The following MBD1 variants were observed in gnomAD, a reference collection of about 807,000 sequenced individuals.
The protein encoded by MBD1 is methyl-CpG-binding domain protein 1.
MBD1 carries 25 observed loss-of-function variants against 82.6 expected under a neutral mutation model. That is an observed-to-expected ratio of 0.30 (90% CI 0.22 to 0.42). MBD1 has a LOEUF of 0.42. Ranked by LOEUF, MBD1 falls within the 10% of genes least tolerant of loss-of-function variation. The pLI is 1.00. For missense variants in MBD1, 627 were observed against 819.6 expected (o/e 0.76, Z 2.87); for synonymous variants, 301 against 303.7 (o/e 0.99, Z 0.09).
At position 50,273,789 on chromosome 18, in the gene MBD1, C is replaced by T; in HGVS notation, c.1221G>A (p.Lys407=). 1 of 1,614,016 alleles carries T rather than the reference C, an allele frequency of 6.2e-7. No individual in the cohort carries two copies. Among genetic ancestry groups the T allele is most frequent in the Non-Finnish European group, 8.5e-7 (1 of 1,180,034 alleles). ...GGTGCCGTCGGGCAGAGCTGGGCCTCTTTCGACGACGGTAAGGTGGGGGCG... is the reference window on the plus strand; with the variant it reads ...GGTGCCGTCGGGCAGAGCTGGGCCTTTTTCGACGACGGTAAGGTGGGGGCG... ...AGSPPPYRRR[K]RPSSARRHHL... The change falls in exon 12 of 17, where the codon AAG becomes AAA. Residue 407 remains lysine, a synonymous_variant. Coordinates refer to ENST00000269468, the MANE Select transcript of MBD1 (RefSeq NM_015846.4).
Position 50,281,498 on chromosome 18 carries a change from C to A in MBD1, c.-161G>T, listed in dbSNP as rs919492026. 1.7e-6 allele frequency: 1 copy of A among 581,464 alleles called. No homozygotes were observed. 36.0% of individuals were successfully genotyped at this position (581,464 alleles called of 1,614,324 possible). ...CCGCCTCCTCTGAAGCGGTAGCTGTCGCCTCCGCGGCTGTTCGTTGCTCCC... is the reference window on the plus strand; with the variant it reads ...CCGCCTCCTCTGAAGCGGTAGCTGTAGCCTCCGCGGCTGTTCGTTGCTCCC... On this transcript the variant is annotated 5_prime_UTR_variant, in exon 1 of 17. Coordinates refer to ENST00000269468, the MANE Select transcript of MBD1 (RefSeq NM_015846.4).
In MBD1 at chr18:50,269,621, A is replaced by G. The variant is rs1474751159; in HGVS notation, c.*230T>C. 1 of 722,948 alleles carries G rather than the reference A, an allele frequency of 1.4e-6. No homozygotes were observed. Among genetic ancestry groups the G allele is most frequent in the East Asian group, 2.7e-5 (1 of 37,672 alleles). The allele number at this position is 722,948 out of a possible 1,614,324, so 44.8% of individuals were successfully genotyped here. A position where few individuals can be genotyped will look rare whatever the true frequency, so the allele number is the denominator to read the frequency against. ...TCAGCTTCTCTAATTCCTGGGCCAG[A>G]TGCATATTTAACTCTGTGAGGAAGG... On this transcript the variant is annotated 3_prime_UTR_variant, in exon 17 of 17. Coordinates refer to ENST00000269468, the MANE Select transcript of MBD1 (RefSeq NM_015846.4).
In MBD1 at chr18:50,275,131, G is replaced by T. The variant is rs369549163; in HGVS notation, c.907C>A (p.Pro303Thr). Reference sequence around the variant, plus strand: ...CCCTCCACCCACTGGGGCCTCACCGGCTCTGTGGGCTCTGGGGACTGTGAT... The same window carrying T: ...CCCTCCACCCACTGGGGCCTCACCGTCTCTGTGGGCTCTGGGGACTGTGAT... ...PPSQSPEPTE[P>T]HPRALAPSPP... The change falls in exon 9 of 17, where the codon CCG (proline) becomes ACG (threonine). Residue 303 changes from proline to threonine, a missense_variant and splice_region_variant. By Grantham distance (38) the Pro-to-Thr change is conservative. Transcript: ENST00000269468. 4.3e-6 allele frequency: 7 copies of T among 1,613,770 alleles called. No homozygotes were observed. In the African/African-American group the frequency reaches 6.7e-5, roughly 15 times the overall value.
downstream of MBD1, chr18:50,267,514 G>A (rs1599143597): frequency 2.3e-5 from 22 of 963,758 alleles, no homozygotes; most frequent in East Asian, 5.7e-4. Context: ...CAGTGGACCA[G>A]GGTCAGGATG....
intron 16 of MBD1, chr18:50,270,683 G>A (rs527538758): frequency 4.2e-6 from 1 of 238,790 alleles, no homozygotes; most frequent in Admixed American, 4.8e-5. Flanking sequence ...CCCAGTTTCT[G>A]TATGAACAGA....
intron 3 of MBD1, 33 bp from the exon 4 acceptor site, chr18:50,277,031 G>A: frequency 7.4e-6 from 12 of 1,614,244 alleles, no homozygotes; most frequent in Non-Finnish European, 1.0e-5. Flanking sequence ...ATATGGGTCA[G>A]TGGTTGGGTG....
At position 50,269,738 on chromosome 18, in the gene MBD1, C is replaced by T. The variant is rs1168698828; in HGVS notation, c.*113G>A. 1 of 781,466 alleles carries T rather than the reference C, an allele frequency of 1.3e-6. No individual in the cohort carries two copies. The highest frequency in any genetic ancestry group is 1.3e-5 in the South Asian group (1 of 74,630). 48.4% of individuals were successfully genotyped at this position (781,466 alleles called of 1,614,324 possible). ...TCCAGGCCATCCTCGTGGGTTCCAG[C>T]TCGTGCTCGTGGGCTCCACTGTGTC... On this transcript the variant is annotated 3_prime_UTR_variant, in exon 17 of 17. Transcript: ENST00000269468.
In MBD1 at chr18:50,275,666, G is replaced by C; in HGVS notation, c.726C>G (p.Ile242Met). The C allele has an allele frequency of 6.2e-7, 1 of 1,614,226 alleles. No homozygotes were observed. The highest frequency in any genetic ancestry group is 1.1e-5 in the South Asian group (1 of 91,084). The change falls in exon 8 of 17, where the codon ATC becomes ATG. Residue 242 changes from isoleucine to methionine, a missense_variant. Transcript: ENST00000269468. The stretch of plus-strand genomic sequence containing the variant: ...GACCAGGGCGGGGAGGGCGAAGGCA[G>C]ATGGGGCAATGGCCACAATCCTCTT... ...QTQEDCGHCP[I>M]CLRPPRPGLR...
At chr18:50,270,342 G>T in intron 16 of MBD1, 1 of 672,134 alleles carries the variant, frequency 1.5e-6, no homozygotes, top group Non-Finnish European at 2.7e-6. Context: ...ACAAATTACA[G>T]GTCTAATCTT....
chr18:50,269,833 AT>A lies in MBD1; in HGVS notation c.*33-16del. The A allele has an allele frequency of 1.2e-6, 1 of 811,792 alleles. No individual in the cohort carries two copies. Among genetic ancestry groups the A allele is most frequent in the East Asian group, 2.4e-5 (1 of 41,382 alleles). 50.3% of individuals were successfully genotyped at this position (811,792 alleles called of 1,614,324 possible). On this transcript the variant is annotated splice_polypyrimidine_tract_variant and intron_variant, in intron 16 of 16. Coordinates refer to ENST00000269468, the MANE Select transcript of MBD1 (RefSeq NM_015846.4). ...TGCCCTGCAGACTTCAAGCTCCAGC[AT>A]TAGATGCAAAGACAACAGCCTTACA...
Position 50,275,044 on chromosome 18 carries a change from T to C in MBD1, c.911A>G (p.His304Arg), listed in dbSNP as rs751145133. The change falls in exon 10 of 17, where the codon CAC becomes CGC. Residue 304 changes from histidine to arginine, a missense_variant and splice_region_variant. Transcript: ENST00000269468. Reference sequence around the variant, plus strand: ...TGGCGAGGGGGCCAGGGCTCTGGGGTGCTGTAGAGGCAAATGGGGTGGGGT... The same window carrying C: ...TGGCGAGGGGGCCAGGGCTCTGGGGCGCTGTAGAGGCAAATGGGGTGGGGT... ...PSQSPEPTEP[H>R]PRALAPSPPA... is the part of the protein sequence containing the mutation. The C allele has an allele frequency of 6.8e-6, 11 of 1,613,796 alleles. No homozygotes were observed. Among genetic ancestry groups the C allele is most frequent in the Non-Finnish European group, 8.5e-6 (10 of 1,179,916 alleles).
At chr18:50,276,061 C>T in intron 6 of MBD1, 80 bp from the exon 7 acceptor site, 1 of 1,537,256 alleles carries the variant, frequency 6.5e-7, no homozygotes, top group South Asian at 1.2e-5. Context: ...CCTACATCAG[C>T]TGGCATCACC....
chr18:50,267,745 C>T (rs2034076602), downstream of MBD1: 1 of 862,842 alleles, frequency 1.2e-6, no homozygotes, highest in East Asian at 2.6e-5. Flanking sequence ...GCACATGCAA[C>T]AAATCAGTAC....
intron 6 of MBD1, 123 bp from the exon 7 acceptor site, chr18:50,276,104 G>T (rs370348330): frequency 1.6e-6 from 2 of 1,280,442 alleles, no homozygotes; most frequent in Non-Finnish European, 2.2e-6. Flanking sequence ...CCTCATCACC[G>T]TATCTGAGAA....
Position 50,273,605 on chromosome 18 carries a change from C to T in MBD1, c.1405G>A (p.Val469Met). 6.2e-7 allele frequency: 1 copy of T among 1,613,244 alleles called. No homozygotes were observed. Among genetic ancestry groups the T allele is most frequent in the Non-Finnish European group, 8.5e-7 (1 of 1,180,014 alleles). Reference sequence around the variant, plus strand: ...GTGGAAGCTGCAACAGGGCCCGGCACCTGCACAGGACTGCTTGCGCCTTCC... The same window carrying T: ...GTGGAAGCTGCAACAGGGCCCGGCATCTGCACAGGACTGCTTGCGCCTTCC... The part of the protein sequence containing the change: ...LREGASSPVQ[V>M]PGPVAASTEA... Residue 469 changes from valine to methionine, a missense_variant, in exon 12 of 17, where the codon GTG becomes ATG. Physicochemically the swap from Val to Met is conservative, Grantham distance 21 (BLOSUM62 1). Around this residue, in one of 6 missense-constraint regions of MBD1, gnomAD observed 265 missense variants for 278.4 expected, o/e 0.95. Coordinates refer to ENST00000269468, the MANE Select transcript of MBD1 (RefSeq NM_015846.4).
intron 1 of MBD1, 102 bp downstream of exon 1, chr18:50,281,261 G>A (rs995580529): frequency 4.7e-6 from 7 of 1,501,588 alleles, no homozygotes; most frequent in Middle Eastern, 3.4e-4. Flanking sequence ...CCCCCTTATC[G>A]GCCTGAGGGC....
At position 50,273,621 on chromosome 18, in the gene MBD1, T is replaced by C. The variant is rs758075840; in HGVS notation, c.1389A>G (p.Ala463=). 1 of 1,613,550 alleles carries C rather than the reference T, an allele frequency of 6.2e-7. No homozygotes were observed. The highest frequency in any genetic ancestry group is 1.1e-5 in the South Asian group (1 of 91,088). ...GTDLVFLREG[A]SSPVQVPGPV... ...GGCCCGGCACCTGCACAGGACTGCT[T>C]GCGCCTTCCCGTAAAAACACAAGGT... Residue 463 remains alanine, a synonymous_variant, in exon 12 of 17, where the codon GCA becomes GCG. Coordinates refer to ENST00000269468, the MANE Select transcript of MBD1 (RefSeq NM_015846.4).
intron 16 of MBD1, chr18:50,271,079 A>C: frequency 1.9e-6 from 2 of 1,027,476 alleles, no homozygotes; most frequent in Non-Finnish European, 2.3e-6. Context: ...TTACATTTTC[A>C]ATTGCTATCT....
intron 13 of MBD1, 70 bp downstream of exon 13, chr18:50,273,264 T>C: frequency 1.3e-6 from 2 of 1,592,348 alleles, no homozygotes; most frequent in Non-Finnish European, 1.7e-6. Flanking sequence ...AGAACCATCA[T>C]GGCTCATCAT....
Sources: gnomAD v4.1 joint callset for allele counts on GRCh38, gnomAD v4.1.1 for gene constraint, gnomAD v4.1.1 regional missense constraint, MANE v1.5 for transcripts, NCBI Gene and HGNC (gene_info 2026-07-23, HGNC 2026-07-21) for gene names.